The following AGPAT4 variants were observed in gnomAD, a reference collection of about 807,000 sequenced individuals.
AGPAT4 encodes 1-acylglycerol-3-phosphate O-acyltransferase 4.
In AGPAT4, 15 loss-of-function variants were observed where a neutral mutation model predicts 48.0. The ratio of observed to expected loss-of-function variants is 0.31; its 90% confidence interval spans 0.21 to 0.48. The LOEUF (loss-of-function observed/expected upper bound fraction) is 0.48, where lower values mean the gene tolerates loss of function less well. Among genes scored for constraint, AGPAT4 ranks in the 20% least tolerant of loss-of-function variants. AGPAT4 has a pLI of 0.99. For synonymous variants in AGPAT4, 178 were observed against 198.7 expected, an observed-to-expected ratio of 0.90 and a Z score of 0.88; for missense variants, 314 against 482.5, an observed-to-expected ratio of 0.65 and a Z score of 3.27.
Position 161,235,141 on chromosome 6 carries a change from G to C in AGPAT4, c.-89-2839C>G, listed in dbSNP as rs1186054677. On this transcript the variant is annotated intron_variant, in intron 1 of 8. Transcript: ENST00000320285. This position sits in a 1 kb window ranked among gnomAD's most constrained non-coding sequence, Gnocchi z 6.2. The stretch of plus-strand genomic sequence containing the variant: ...GAGAGTTCAACTGCCCAAGTTTGCA[G>C]CTCTGCCCTGTCTCTTATTAGTTGT... Among the ~76,000 whole-genome samples the C allele has an allele frequency of 6.6e-6, 1 of 152,076 alleles. No individual in the cohort carries two copies. The highest frequency in any genetic ancestry group is 2.4e-5 in the African/African-American group (1 of 41,382).
intron 4 of AGPAT4, among the ~76,000 whole-genome samples, 169 bp from the exon 5 acceptor site, chr6:161,153,668 C>A (rs1779662183): frequency 6.7e-6 from 1 of 149,850 alleles, no homozygotes; most frequent in South Asian, 2.1e-4. Context: ...CCTGGGGTCA[C>A]ATACAGCCCT....
chr6:161,159,283 C>T lies in AGPAT4; in HGVS notation c.349-4973G>A, dbSNP rs566597784. 2.0e-5 allele frequency among the ~76,000 whole-genome samples: 3 copies of T among 152,314 alleles called. No homozygotes were observed. Among genetic ancestry groups the T allele is most frequent in the East Asian group, 3.9e-4 (2 of 5,176 alleles). On this transcript the variant is annotated intron_variant, in intron 3 of 8. Transcript: ENST00000320285. The surrounding 1 kb of genome is among the most constrained non-coding windows in gnomAD (Gnocchi z 4.1). ...GATTGGAATCTTCAACCCAAGGCTG[C>T]TCTGTCTGTGCAAAGGTATTGATTA...
Position 161,130,088 on chromosome 6 carries a change from G to T in AGPAT4, c.*6452C>A, listed in dbSNP as rs1357560062. On this transcript the variant is annotated 3_prime_UTR_variant, in exon 9 of 9. Transcript: ENST00000320285. ...TGTTCAGCCCACCAACAAAAATTTG[G>T]AAAGATTGCTACACATGACAGAGCG... 1 of 152,126 alleles carries T rather than the reference G, an allele frequency of 6.6e-6. No individual in the cohort carries two copies. The highest frequency in any genetic ancestry group is 1.5e-5 in the Non-Finnish European group (1 of 68,034). The allele number at this position is 152,126 out of a possible 1,614,324, so 9.4% of individuals were successfully genotyped here.
At chr6:161,199,146 C>T (rs939821640) in intron 2 of AGPAT4, among the ~76,000 whole-genome samples, 9 of 151,588 alleles carry the variant, frequency 5.9e-5, no homozygotes, top group African/African-American at 2.2e-4. Context: ...GTCTTTTCTG[C>T]ATAAATAGCA....
Position 161,144,333 on chromosome 6 carries a change from TA to T in AGPAT4, c.843+2190del. ...TTGATCAGTGAGCTGGAAAACTGGGTAAATCACTTCATCTTTCGGACCTGAA... is the reference window on the plus strand; with the variant it reads ...TTGATCAGTGAGCTGGAAAACTGGGTAATCACTTCATCTTTCGGACCTGAA... On this transcript the variant is annotated intron_variant, in intron 7 of 8. Transcript: ENST00000320285. The surrounding 1 kb of genome is among the most constrained non-coding windows in gnomAD (Gnocchi z 6.6). 1 of 412,908 alleles carries T rather than the reference TA, an allele frequency of 2.4e-6. No homozygotes were observed. 25.6% of individuals were successfully genotyped at this position (412,908 alleles called of 1,614,324 possible). A position where few individuals can be genotyped will look rare whatever the true frequency, so the allele number is the denominator to read the frequency against.
At position 161,245,208 on chromosome 6, in the gene AGPAT4, C is replaced by T. The variant is rs1484280950; in HGVS notation, c.-89-12906G>A. ...AGGGGACCTGAGTGTGATTCTTGAT[C>T]GTTGATCCTCATCCCTTTGGTCACG... On this transcript the variant is annotated intron_variant, in intron 1 of 8. Transcript: ENST00000320285. This position sits in a 1 kb window ranked among gnomAD's most constrained non-coding sequence, Gnocchi z 5.2. Among the ~76,000 whole-genome samples, 1 of 152,186 alleles carries T rather than the reference C, an allele frequency of 6.6e-6. No homozygotes were observed. Among genetic ancestry groups the T allele is most frequent in the Non-Finnish European group, 1.5e-5 (1 of 68,044 alleles).
chr6:161,157,854 C>T (rs990247746), intron 3 of AGPAT4, among the ~76,000 whole-genome samples: 6 of 152,188 alleles, frequency 3.9e-5, no homozygotes, highest in Admixed American at 2.0e-4. Flanking sequence ...GGCTCTACCA[C>T]GACCCAGCTG....
rs1271516569 is a variant in AGPAT4, at chr6:161,165,541, ATGTACACTG to A, written c.348+698_348+706del. The stretch of plus-strand genomic sequence containing the variant: ...TAGGACCTTTCCTAGCCCCAGACCA[ATGTACACTG>A]TGTACACTGTGATTCCTACGGAATA... On this transcript the variant is annotated intron_variant, in intron 3 of 8. Coordinates refer to ENST00000320285, the MANE Select transcript of AGPAT4 (RefSeq NM_020133.3). This position sits in a 1 kb window ranked among gnomAD's most constrained non-coding sequence, Gnocchi z 5.5. 4.0e-6 allele frequency: 5 copies of A among 1,240,342 alleles called. No homozygotes were observed. The highest frequency in any genetic ancestry group is 5.2e-6 in the Non-Finnish European group (5 of 955,914). 76.8% of individuals were successfully genotyped at this position (1,240,342 alleles called of 1,614,324 possible). A position where few individuals can be genotyped will look rare whatever the true frequency, so the allele number is the denominator to read the frequency against.
At position 161,131,660 on chromosome 6, in the gene AGPAT4, A is replaced by T. The variant is rs1252828998; in HGVS notation, c.*4880T>A. 6.6e-6 allele frequency: 1 copy of T among 152,226 alleles called. No homozygotes were observed. Among genetic ancestry groups the T allele is most frequent in the East Asian group, 1.9e-4 (1 of 5,190 alleles). 9.4% of individuals were successfully genotyped at this position (152,226 alleles called of 1,614,324 possible). A position where few individuals can be genotyped will look rare whatever the true frequency, so the allele number is the denominator to read the frequency against. On this transcript the variant is annotated 3_prime_UTR_variant, in exon 9 of 9. Transcript: ENST00000320285. ...AGAGATGGGACTCCAATGAGGAGAC[A>T]CACTATGTAGGTGCAATTTCTGATT...
chr6:161,163,641 C>G (rs1301173759), intron 3 of AGPAT4, among the ~76,000 whole-genome samples: 1 of 152,180 alleles, frequency 6.6e-6, no homozygotes, highest in Non-Finnish European at 1.5e-5. Flanking sequence ...CATGTGCCTG[C>G]CCCACTCAGT....
intron 2 of AGPAT4, among the ~76,000 whole-genome samples, chr6:161,181,497 G>T (rs1168082595): frequency 1.3e-5 from 2 of 148,464 alleles, no homozygotes; most frequent in Non-Finnish European, 3.0e-5. Context: ...GACACGGTGG[G>T]GGTAGCAGGG....
Position 161,158,130 on chromosome 6 carries a change from A to G in AGPAT4, c.349-3820T>C, listed in dbSNP as rs1017666330. On this transcript the variant is annotated intron_variant, in intron 3 of 8. Coordinates refer to ENST00000320285, the MANE Select transcript of AGPAT4 (RefSeq NM_020133.3). The surrounding 1 kb of genome is among the most constrained non-coding windows in gnomAD (Gnocchi z 5.3). Reference sequence around the variant, plus strand: ...AGCGTAATAGTAACAACAATAGATTACATTTATTTAAGCACAACTGAAGAG... The same window carrying G: ...AGCGTAATAGTAACAACAATAGATTGCATTTATTTAAGCACAACTGAAGAG... Among the ~76,000 whole-genome samples, 12 of 152,220 alleles carry G rather than the reference A, an allele frequency of 7.9e-5. No homozygotes were observed. Among genetic ancestry groups the G allele is most frequent in the African/African-American group, 1.9e-4 (8 of 41,456 alleles).
rs188162063 is a variant in AGPAT4 at position 161,177,283 on chromosome 6, C to T, written c.179-10866G>A. ...CCCCGTCACTTTCAGGTACATCAATCAGACGTAGATTTGGTCTTTTCACAT... is the reference window on the plus strand; with the variant it reads ...CCCCGTCACTTTCAGGTACATCAATTAGACGTAGATTTGGTCTTTTCACAT... On this transcript the variant is annotated intron_variant, in intron 2 of 8. Coordinates refer to ENST00000320285, the MANE Select transcript of AGPAT4 (RefSeq NM_020133.3). This position sits in a 1 kb window ranked among gnomAD's most constrained non-coding sequence, Gnocchi z 5.0. Among the ~76,000 whole-genome samples, 23 of 152,330 alleles carry T rather than the reference C, an allele frequency of 1.5e-4. No individual in the cohort carries two copies. Among genetic ancestry groups the T allele is most frequent in the African/African-American group, 4.1e-4 (17 of 41,578 alleles).
At position 161,201,823 on chromosome 6, in the gene AGPAT4, T is replaced by C. The variant is rs116412082; in HGVS notation, c.178+30213A>G. 2.3e-3 allele frequency among the ~76,000 whole-genome samples: 348 copies of C among 152,338 alleles called. 2 individuals carry two copies. The highest frequency in any genetic ancestry group is 8.0e-3 in the African/African-American group (332 of 41,580). On this transcript the variant is annotated intron_variant, in intron 2 of 8. Transcript: ENST00000320285. This position sits in a 1 kb window ranked among gnomAD's most constrained non-coding sequence, Gnocchi z 6.0. ...CTAACCAGTGCAAGAGGAAGTCCCA[T>C]TTCACAGACAATTAACTGTACTTTG...
At position 161,166,841 on chromosome 6, in the gene AGPAT4, C is replaced by A. The variant is rs1296358985; in HGVS notation, c.179-424G>T. 6.6e-6 allele frequency among the ~76,000 whole-genome samples: 1 copy of A among 152,178 alleles called. No individual in the cohort carries two copies. The highest frequency in any genetic ancestry group is 2.4e-5 in the African/African-American group (1 of 41,436). On this transcript the variant is annotated intron_variant, in intron 2 of 8. Coordinates refer to ENST00000320285, the MANE Select transcript of AGPAT4 (RefSeq NM_020133.3). The surrounding 1 kb of genome is among the most constrained non-coding windows in gnomAD (Gnocchi z 6.7). ...CCATCAAAGAATATTAAATACCCAA[C>A]TTTCCTCTCCCATTTCTGACACTTG...
intron 1 of AGPAT4, among the ~76,000 whole-genome samples, chr6:161,239,052 G>A (rs776662510): frequency 2.1e-4 from 32 of 152,124 alleles, no homozygotes; most frequent in South Asian, 8.3e-4. Context: ...AAGTGCAAGC[G>A]AGACAAACGC....
intron 2 of AGPAT4, among the ~76,000 whole-genome samples, chr6:161,173,102 A>G (rs1780323845): frequency 6.6e-6 from 1 of 152,212 alleles, no homozygotes; most frequent in South Asian, 2.1e-4. Flanking sequence ...CACAATAAAC[A>G]TATGTGTACA....
Position 161,202,214 on chromosome 6 carries a change from G to A in AGPAT4, c.178+29822C>T, listed in dbSNP as rs1781255984. Among the ~76,000 whole-genome samples the A allele has an allele frequency of 6.6e-6, 1 of 152,180 alleles. No homozygotes were observed. Among genetic ancestry groups the A allele is most frequent in the African/African-American group, 2.4e-5 (1 of 41,450 alleles). On this transcript the variant is annotated intron_variant, in intron 2 of 8. Coordinates refer to ENST00000320285, the MANE Select transcript of AGPAT4 (RefSeq NM_020133.3). This position sits in a 1 kb window ranked among gnomAD's most constrained non-coding sequence, Gnocchi z 5.4. ...TGGAGAATTCAGGACTGACATGGCT[G>A]AGTGGTTCTGGCTTGGGGTCTCTGG...
chr6:161,177,581 T>G lies in AGPAT4; in HGVS notation c.179-11164A>C, dbSNP rs1054613435. On this transcript the variant is annotated intron_variant, in intron 2 of 8. Transcript: ENST00000320285. The surrounding 1 kb of genome is among the most constrained non-coding windows in gnomAD (Gnocchi z 5.0). ...TCAAGGTTTTTAGCTTCTTTGCGAT[T>G]GGTTCAAACATCCTCCTTTAGCTCG... is the stretch of plus-strand genomic sequence containing the variant. Among the ~76,000 whole-genome samples, 1 of 152,220 alleles carries G rather than the reference T, an allele frequency of 6.6e-6. No individual in the cohort carries two copies. Among genetic ancestry groups the G allele is most frequent in the Admixed American group, 6.5e-5 (1 of 15,280 alleles).
Sources: allele counts gnomAD v4.1 joint callset (sites outside exome capture counted in the v4.1 genomes callset), GRCh38; gene constraint gnomAD v4.1.1; non-coding constraint Gnocchi (gnomAD v3.1); transcripts MANE v1.5; gene names NCBI Gene and HGNC (gene_info 2026-07-23, HGNC 2026-07-21).